FRS2: variants seen among roughly 807,000 people sequenced by gnomAD.
The protein encoded by FRS2 is fibroblast growth factor receptor substrate 2, also known as FGFR signalling adaptor.
A neutral mutation model predicts 43.9 loss-of-function variants in FRS2; 8 were observed. The ratio of observed to expected loss-of-function variants is 0.18; its 90% CI spans 0.11 to 0.33. The LOEUF is 0.33. Among genes scored for constraint, FRS2 ranks in the 10% least tolerant of loss-of-function variants. The probability of loss-of-function intolerance (pLI) is 1.00; values close to 1 mark genes in which losing one functional copy is unlikely to be tolerated. For missense variants in FRS2, 534 were observed against 627.6 expected (o/e 0.85, Z 1.59); for synonymous variants, 219 against 220.3 (o/e 0.99, Z 0.05).
chr12:69,559,762 A>T lies in FRS2; in HGVS notation c.-121-2418A>T, dbSNP rs577519191. Among the ~76,000 whole-genome samples the T allele has an allele frequency of 1.1e-4, 17 of 151,882 alleles. No homozygotes were observed. In the South Asian group the frequency reaches 2.9e-3, roughly 26 times the overall value. On this transcript the variant is annotated intron_variant, in intron 3 of 8. Transcript: ENST00000549921. ...AAGAATTAACAGGAAATTAATGTGT[A>T]TATTAAAAGACCTACCCAATGGTTT...
chr12:69,535,970 A>G (rs1331161106), intron 3 of FRS2, among the ~76,000 whole-genome samples: 6 of 151,656 alleles, frequency 4.0e-5, no homozygotes, highest in Admixed American at 3.3e-4. Flanking sequence ...TTGAATTTTT[A>G]TCATTATGAA....
chr12:69,484,505 T>C (rs554375174), intron 1 of FRS2, among the ~76,000 whole-genome samples: 5 of 152,338 alleles, frequency 3.3e-5, no homozygotes, highest in Admixed American at 6.5e-5. Context: ...TCTACATTGC[T>C]TCTCTTTGGT....
chr12:69,558,011 CACAA>C (rs750590247), intron 3 of FRS2, among the ~76,000 whole-genome samples: 22 of 152,040 alleles, frequency 1.4e-4, no homozygotes, highest in Non-Finnish European at 2.6e-4. Context: ...TTGTTTTACA[CACAA>C]ACAAATGAAT....
At chr12:69,485,232 G>GAC (rs1196193190) in intron 1 of FRS2, among the ~76,000 whole-genome samples, 3 of 151,986 alleles carry the variant, frequency 2.0e-5, no homozygotes, top group African/African-American at 7.2e-5. Context: ...CCCCAGGCTG[G>GAC]AGTGCAGTGG....
At chr12:69,487,680 C>G (rs1048370722) in intron 1 of FRS2, among the ~76,000 whole-genome samples, 2 of 152,154 alleles carry the variant, frequency 1.3e-5, no homozygotes, top group African/African-American at 2.4e-5. Context: ...TTAAGAAATA[C>G]TATTTTGTAA....
intron 3 of FRS2, among the ~76,000 whole-genome samples, chr12:69,538,144 A>T (rs1441577794): frequency 2.0e-5 from 3 of 149,722 alleles, no homozygotes; most frequent in African/African-American, 7.4e-5. Flanking sequence ...GTAGCTTTTT[A>T]CATTTGTGCC....
At chr12:69,484,847 A>G (rs1160094669) in intron 1 of FRS2, among the ~76,000 whole-genome samples, 4 of 152,194 alleles carry the variant, frequency 2.6e-5, no homozygotes, top group Non-Finnish European at 5.9e-5. Context: ...GAATACAAAA[A>G]TAACAAAACA....
intron 1 of FRS2, among the ~76,000 whole-genome samples, chr12:69,518,900 G>A (rs771232291): frequency 1.8e-4 from 27 of 151,166 alleles, no homozygotes; most frequent in Non-Finnish European, 3.8e-4. Flanking sequence ...TGTAATCCCA[G>A]CTACTTGGGA....
At chr12:69,526,007 G>A (rs1321735525) in intron 1 of FRS2, among the ~76,000 whole-genome samples, 1 of 152,054 alleles carries the variant, frequency 6.6e-6, no homozygotes, top group African/African-American at 2.4e-5. Flanking sequence ...TTACAGGCAT[G>A]CACCACCACA....
chr12:69,554,130 A>T (rs1164289505), intron 3 of FRS2, among the ~76,000 whole-genome samples: 1 of 152,140 alleles, frequency 6.6e-6, no homozygotes, highest in Non-Finnish European at 1.5e-5. Context: ...CGTGTTTTGT[A>T]TGTAGTCTGC....
At chr12:69,503,348 G>A (rs936486277) in intron 1 of FRS2, among the ~76,000 whole-genome samples, 1 of 152,092 alleles carries the variant, frequency 6.6e-6, no homozygotes, top group South Asian at 2.1e-4. Context: ...GATTTTTGAG[G>A]TTAGTTCAGG....
At chr12:69,538,621 A>C (rs986731195) in intron 3 of FRS2, among the ~76,000 whole-genome samples, 1 of 152,084 alleles carries the variant, frequency 6.6e-6, no homozygotes, top group Non-Finnish European at 1.5e-5. Flanking sequence ...GCCTTATCCA[A>C]CTAACTTCAT....
intron 1 of FRS2, among the ~76,000 whole-genome samples, chr12:69,479,546 T>C (rs1461363020): frequency 6.6e-6 from 1 of 151,838 alleles, no homozygotes. Context: ...TACAGGTGTG[T>C]ACCACCACGC....
At position 69,571,391 on chromosome 12, in the gene FRS2, T is replaced by A; in HGVS notation, c.369T>A (p.His123Gln). 6.2e-7 allele frequency: 1 copy of A among 1,612,984 alleles called. No homozygotes were observed. Among genetic ancestry groups the A allele is most frequent in the Non-Finnish European group, 8.5e-7 (1 of 1,179,260 alleles). The change falls in exon 7 of 9, where the codon CAT becomes CAA. Residue 123 changes from histidine to glutamine, a missense_variant. His to Gln is a conservative substitution (Grantham distance 24, BLOSUM62 0). Around this residue, in one of 3 missense-constraint regions of FRS2, gnomAD observed 446 missense variants for 494.2 expected, o/e 0.90. Transcript: ENST00000549921. ...AGCCAGTTGTAGAAAGAAATAATCATCAGACAGAATTGGAAGTCCCTAGAA... is the reference window on the plus strand; with the variant it reads ...AGCCAGTTGTAGAAAGAAATAATCAACAGACAGAATTGGAAGTCCCTAGAA... ...VEEPVVERNN[H>Q]QTELEVPRTP...
At chr12:69,516,941 T>A (rs1284347423) in intron 1 of FRS2, among the ~76,000 whole-genome samples, 1 of 152,172 alleles carries the variant, frequency 6.6e-6, no homozygotes, top group Non-Finnish European at 1.5e-5. Flanking sequence ...AGACTTAGGA[T>A]CCCTAATCCA....
intron 4 of FRS2, among the ~76,000 whole-genome samples, chr12:69,564,357 G>A (rs1880110485): frequency 1.3e-5 from 2 of 151,742 alleles, no homozygotes; most frequent in Non-Finnish European, 2.9e-5. Context: ...TTGAGCCAGT[G>A]TTCAAGAGCT....
At chr12:69,503,489 T>G (rs1030334959) in intron 1 of FRS2, among the ~76,000 whole-genome samples, 2 of 152,192 alleles carry the variant, frequency 1.3e-5, no homozygotes, top group Admixed American at 1.3e-4. Flanking sequence ...ATCTTAGAAT[T>G]CTGCCTACTA....
At chr12:69,542,259 A>G (rs1276602200) in intron 3 of FRS2, among the ~76,000 whole-genome samples, 3 of 152,236 alleles carry the variant, frequency 2.0e-5, no homozygotes, top group Non-Finnish European at 4.4e-5. Context: ...AGCCTTATCA[A>G]CTAGAGGAAT....
intron 1 of FRS2, among the ~76,000 whole-genome samples, chr12:69,525,980 C>T (rs1026053423): frequency 3.9e-5 from 6 of 152,136 alleles, no homozygotes; most frequent in African/African-American, 1.4e-4. Context: ...CTGCCTCAGC[C>T]TCCCAAGTAG....
Sources: allele counts gnomAD v4.1 joint callset (sites outside exome capture counted in the v4.1 genomes callset), GRCh38; gene constraint gnomAD v4.1.1; regional missense constraint gnomAD v4.1.1; transcripts MANE v1.5; gene names NCBI Gene and HGNC (gene_info 2026-07-23, HGNC 2026-07-21).